KAT6A: variants seen among roughly 807,000 people sequenced by gnomAD.
KAT6A encodes lysine acetyltransferase 6A.
Under a neutral mutation model 198.4 loss-of-function variants are expected in KAT6A, and 9 were observed. That is an observed-to-expected ratio of 0.05 (90% confidence interval 0.03 to 0.08). The LOEUF is 0.08. Ranked by LOEUF, KAT6A falls within the 10% of genes least tolerant of loss-of-function variation. The pLI, the probability that KAT6A is intolerant of heterozygous loss-of-function variation, is 1.00. For missense variants in KAT6A, 2,077 were observed against 2,509.9 expected (o/e 0.83, Z 3.69); for synonymous variants, 890 against 883.0 (o/e 1.01, Z -0.14).
intron 2 of KAT6A, among the ~76,000 whole-genome samples, chr8:42,031,793 G>T (rs535293577): frequency 5.9e-5 from 9 of 151,382 alleles, no homozygotes; most frequent in East Asian, 1.9e-4. Flanking sequence ...ATCACAACTG[G>T]CTAATTTTTG....
At chr8:42,005,763 T>TAC (rs142174569) in intron 2 of KAT6A, among the ~76,000 whole-genome samples, 3,805 of 142,108 alleles carry the variant, frequency 0.027, 77 homozygotes, top group South Asian at 0.11. Flanking sequence ...TGCAAGCAAA[T>TAC]ACACACACAC....
At position 41,934,599 on chromosome 8, in the gene KAT6A, A is replaced by C. The variant is rs1358052459; in HGVS notation, c.3621T>G (p.Ser1207Arg). The change falls in exon 17 of 17, where the codon AGT becomes AGG. Residue 1207 changes from serine (S) to arginine (R), a missense_variant. By Grantham distance (110) the Ser-to-Arg change is moderately radical. Transcript: ENST00000265713. The part of the protein sequence containing the change: ...KAGRKPKIQE[S>R]EETVEPKEDM... ...CTTCTTTTGGCTCAACAGTTTCTTC[A>C]CTCTCCTGGATCTTGGGTTTACGTC... is the stretch of plus-strand genomic sequence containing the variant. 1 of 1,612,554 alleles carries C rather than the reference A, an allele frequency of 6.2e-7. No homozygotes were observed. Among genetic ancestry groups the C allele is most frequent in the Non-Finnish European group, 8.5e-7 (1 of 1,179,710 alleles).
chr8:42,051,428 G>C (rs1406407980), intron 1 of KAT6A, among the ~76,000 whole-genome samples: 1 of 150,364 alleles, frequency 6.7e-6, no homozygotes, highest in Non-Finnish European at 1.5e-5. Context: ...CCGAACCCGA[G>C]CGCCCGCGAG....
chr8:41,964,627 GAAAAAAA>G (rs61710510), intron 8 of KAT6A, among the ~76,000 whole-genome samples: 1 of 130,920 alleles, frequency 7.6e-6, no homozygotes, highest in Non-Finnish European at 1.7e-5. Context: ...TCCAAAATCT[GAAAAAAA>G]AAAAAAAAAA....
At chr8:42,031,038 A>AGGG (rs1554698400) in intron 2 of KAT6A, among the ~76,000 whole-genome samples, 14 of 113,376 alleles carry the variant, frequency 1.2e-4, no homozygotes, top group African/African-American at 3.9e-4. Flanking sequence ...AAAAAAAAAA[A>AGGG]GGGGGGGGGG....
At position 41,987,478 on chromosome 8, in the gene KAT6A, G is replaced by C; in HGVS notation, c.686C>G (p.Ser229Cys). The change falls in exon 3 of 17, where the codon TCC becomes TGC. Residue 229 changes from serine to cysteine, a missense_variant. Physicochemically the swap from Ser to Cys is moderately radical, Grantham distance 112 (BLOSUM62 -1). Transcript: ENST00000265713. ...NREKKPEELI[S>C]CADCGNSGHP... ...ACCACTGTTGCCACAGTCGGCACAG[G>C]AGATGAGTTCCTCTGGCTTCTTTTC... 1 of 1,608,550 alleles carries C rather than the reference G, an allele frequency of 6.2e-7. No individual in the cohort carries two copies. Among genetic ancestry groups the C allele is most frequent in the South Asian group, 1.1e-5 (1 of 90,958 alleles).
intron 8 of KAT6A, among the ~76,000 whole-genome samples, chr8:41,973,165 TCAC>T (rs1823880919): frequency 6.6e-6 from 1 of 152,250 alleles, no homozygotes; most frequent in Admixed American, 6.5e-5. Context: ...AACAGTCTAT[TCAC>T]CACCACTGGG....
chr8:42,010,591 G>A (rs1024388333), intron 2 of KAT6A, among the ~76,000 whole-genome samples: 2 of 152,048 alleles, frequency 1.3e-5, no homozygotes, highest in African/African-American at 2.4e-5. Flanking sequence ...GCCTCAGGGC[G>A]CCCTACTGTG....
chr8:42,040,043 T>C (rs1158643232), intron 2 of KAT6A, among the ~76,000 whole-genome samples: 1 of 151,860 alleles, frequency 6.6e-6, no homozygotes, highest in East Asian at 1.9e-4. Flanking sequence ...CACCGCGCCC[T>C]GCCGAAAATT....
At chr8:41,954,940 CAACTGA>C (rs1371933338) in intron 9 of KAT6A, among the ~76,000 whole-genome samples, 20 of 152,140 alleles carry the variant, frequency 1.3e-4, no homozygotes, top group African/African-American at 4.8e-4. Flanking sequence ...AAAGACTAAT[CAACTGA>C]AACTTTATAT....
Position 41,932,620 on chromosome 8 carries a change from G to T in KAT6A, c.5600C>A (p.Ala1867Glu). 6.2e-7 allele frequency: 1 copy of T among 1,614,014 alleles called. No individual in the cohort carries two copies. Among genetic ancestry groups the T allele is most frequent in the Non-Finnish European group, 8.5e-7 (1 of 1,179,878 alleles). ...IRSKSAPLPS[A>E]AAHQQQLYGR... Reference sequence around the variant, plus strand: ...ATACAGCTGCTGCTGGTGAGCAGCCGCAGAGGGCAGTGGCGCAGACTTGGA... The same window carrying T: ...ATACAGCTGCTGCTGGTGAGCAGCCTCAGAGGGCAGTGGCGCAGACTTGGA... The change falls in exon 17 of 17, where the codon GCG becomes GAG. Residue 1867 changes from alanine (A) to glutamate (E), a missense_variant. Ala to Glu is a moderately radical substitution (Grantham distance 107). This residue lies in a region of KAT6A where 500 missense variants were observed against 577.2 expected (regional missense o/e 0.87). Coordinates refer to ENST00000265713, the MANE Select transcript of KAT6A (RefSeq NM_006766.5).
chr8:41,953,469 C>A (rs985917719), intron 9 of KAT6A, among the ~76,000 whole-genome samples: 26 of 152,110 alleles, frequency 1.7e-4, no homozygotes, highest in African/African-American at 5.6e-4. Flanking sequence ...AATTCCTTGG[C>A]ATATTTATTT....
chr8:41,966,061 C>G (rs965475055), intron 8 of KAT6A, among the ~76,000 whole-genome samples: 2 of 152,170 alleles, frequency 1.3e-5, no homozygotes, highest in African/African-American at 4.8e-5. Flanking sequence ...TCGGCTGAAT[C>G]ACCTTAGTTG....
intron 2 of KAT6A, among the ~76,000 whole-genome samples, chr8:42,032,309 T>C (rs1333989828): frequency 1.3e-5 from 2 of 152,168 alleles, no homozygotes; most frequent in Non-Finnish European, 2.9e-5. Context: ...TCATAGCACC[T>C]GGACTGCCTA....
At chr8:41,943,047 A>G (rs1822216978) in intron 13 of KAT6A, 47 bp from the exon 14 acceptor site, 10 of 1,608,220 alleles carry the variant, frequency 6.2e-6, no homozygotes, top group Non-Finnish European at 8.5e-6. Flanking sequence ...TACAAGGTGT[A>G]CATAAAAATG....
chr8:42,038,002 G>C (rs1827463017), intron 2 of KAT6A, among the ~76,000 whole-genome samples: 1 of 152,136 alleles, frequency 6.6e-6, no homozygotes, highest in Non-Finnish European at 1.5e-5. Flanking sequence ...TATGTTTATA[G>C]AAGTGCTAGA....
At chr8:41,975,477 G>C (rs958089958) in intron 7 of KAT6A, among the ~76,000 whole-genome samples, 15 of 152,152 alleles carry the variant, frequency 9.9e-5, no homozygotes, top group African/African-American at 3.6e-4. Flanking sequence ...GGGCTCATTT[G>C]CTCTCTTTAT....
chr8:42,001,025 A>T (rs763823460), intron 2 of KAT6A, among the ~76,000 whole-genome samples: 3 of 152,194 alleles, frequency 2.0e-5, no homozygotes, highest in Non-Finnish European at 4.4e-5. Flanking sequence ...GAGGGAAGGA[A>T]GGAGGAGGAA....
chr8:42,043,655 T>A, intron 2 of KAT6A: 1 of 152,156 alleles, frequency 6.6e-6, no homozygotes, highest in East Asian at 1.9e-4. Flanking sequence ...CTTTAACAAT[T>A]AGGAAATGTG....
Sources: allele counts gnomAD v4.1 joint callset (sites outside exome capture counted in the v4.1 genomes callset), GRCh38; gene constraint gnomAD v4.1.1; regional missense constraint gnomAD v4.1.1; transcripts MANE v1.5; gene names NCBI Gene and HGNC (gene_info 2026-07-23, HGNC 2026-07-21).